The following LMO7 variants were observed in gnomAD, a reference collection of about 807,000 sequenced individuals.
LMO7 encodes the protein LIM domain only protein 7.
A neutral mutation model predicts 206.5 loss-of-function variants in LMO7; 120 were observed. The observed-to-expected ratio is 0.58, with a 90% CI of 0.50 to 0.68. The LOEUF (loss-of-function observed/expected upper bound fraction) is 0.68. Among genes scored for constraint, LMO7 ranks in the 30% least tolerant of loss-of-function variants. LMO7 has a pLI of 0.00. For synonymous variants in LMO7, 706 were observed against 681.5 expected, an observed-to-expected ratio of 1.04 and a Z score of -0.56; for missense variants, 1,959 against 1,957.9, an observed-to-expected ratio of 1.00 and a Z score of -0.01.
chr13:75,786,465 C>A (rs1311061840), intron 4 of LMO7, among the ~76,000 whole-genome samples: 2 of 151,760 alleles, frequency 1.3e-5, no homozygotes, highest in Non-Finnish European at 2.9e-5. Context: ...AGCTCCACCT[C>A]CCAAGTTCAC....
At chr13:75,700,342 T>A (rs2042203718) in intron 1 of LMO7, among the ~76,000 whole-genome samples, 1 of 152,184 alleles carries the variant, frequency 6.6e-6, no homozygotes, top group African/African-American at 2.4e-5. Flanking sequence ...TCTTCACAAT[T>A]TATGTTCAGA....
intron 3 of LMO7, among the ~76,000 whole-genome samples, chr13:75,751,020 G>A (rs1049342338): frequency 6.6e-6 from 1 of 152,070 alleles, no homozygotes; most frequent in African/African-American, 2.4e-5. Flanking sequence ...TTTTGGCACT[G>A]TCAATTGCAG....
Position 75,821,382 on chromosome 13 carries a change from G to A in LMO7, c.2413G>A (p.Val805Ile). 6.2e-7 allele frequency: 1 copy of A among 1,614,174 alleles called. No individual in the cohort carries two copies. The highest frequency in any genetic ancestry group is 8.5e-7 in the Non-Finnish European group (1 of 1,180,000). ...STTFAKREDR[V>I]TTEIQLPSQS... The stretch of plus-strand genomic sequence containing the variant: ...CACTTTTGCAAAAAGAGAGGACCGT[G>A]TAACAACTGAAATTCAGCTTCCTTC... Residue 805 changes from valine to isoleucine, a missense_variant, in exon 14 of 31, where the codon GTA becomes ATA. Coordinates refer to ENST00000377534, the MANE Select transcript of LMO7 (RefSeq NM_001306080.2).
At position 75,732,310 on chromosome 13, in the gene LMO7, C is replaced by T. The variant is rs138218677; in HGVS notation, c.210+5212C>T. ...TTCACATAGTCCCATATTTCTTGGA[C>T]GCTTTGTTTGTTTCTTTTTATTCTT... On this transcript the variant is annotated intron_variant, in intron 3 of 30. Coordinates refer to ENST00000377534, the MANE Select transcript of LMO7 (RefSeq NM_001306080.2). Among the ~76,000 whole-genome samples the T allele has an allele frequency of 2.8e-4, 43 of 152,202 alleles. 1 individual carries two copies. Among genetic ancestry groups the T allele is most frequent in the Middle Eastern group, 3.4e-3 (1 of 294 alleles).
chr13:75,679,841 A>C (rs2040323895), intron 1 of LMO7, among the ~76,000 whole-genome samples: 1 of 152,180 alleles, frequency 6.6e-6, no homozygotes. Context: ...TTGGCCTCTC[A>C]AAGTGCTGGG....
intron 3 of LMO7, among the ~76,000 whole-genome samples, chr13:75,754,366 C>T (rs2047506567): frequency 6.6e-6 from 1 of 152,152 alleles, no homozygotes; most frequent in African/African-American, 2.4e-5. Context: ...AGTGCTATTC[C>T]ATTGTATGGA....
rs74602044 is a variant in LMO7, at chr13:75,724,922, C to T, written c.141-2107C>T. Among the ~76,000 whole-genome samples the T allele has an allele frequency of 3.9e-3, 599 of 152,134 alleles. 6 individuals carry two copies. The highest frequency in any genetic ancestry group is 0.014 in the African/African-American group (574 of 41,538). The stretch of plus-strand genomic sequence containing the variant: ...TATTGTTTTTTCCTCAGCTCATTTC[C>T]GTGTTTGCACATGTACTTGAAGGTT... On this transcript the variant is annotated intron_variant, in intron 2 of 30. Transcript: ENST00000377534.
chr13:75,755,442 ATTT>A (rs2139552975), intron 3 of LMO7, among the ~76,000 whole-genome samples: 1 of 151,814 alleles, frequency 6.6e-6, no homozygotes, highest in East Asian at 1.9e-4. Context: ...GATGCCAGGT[ATTT>A]TTCTCTCTTG....
At chr13:75,738,020 G>T (rs1050243120) in intron 3 of LMO7, among the ~76,000 whole-genome samples, 2 of 151,872 alleles carry the variant, frequency 1.3e-5, no homozygotes, top group Non-Finnish European at 2.9e-5. Flanking sequence ...GCCAGCCTGT[G>T]GATGAGTTCC....
At chr13:75,742,818 A>C (rs543676564) in intron 3 of LMO7, among the ~76,000 whole-genome samples, 1 of 152,272 alleles carries the variant, frequency 6.6e-6, no homozygotes, top group African/African-American at 2.4e-5. Flanking sequence ...CATGGGCAAA[A>C]ACTTCATGAC....
intron 4 of LMO7, among the ~76,000 whole-genome samples, chr13:75,782,687 A>G (rs902711952): frequency 4.6e-5 from 7 of 152,206 alleles, no homozygotes; most frequent in Non-Finnish European, 8.8e-5. Context: ...TTGCAGCTCC[A>G]GGGGAGAATC....
chr13:75,732,261 C>T (rs1239100447), intron 3 of LMO7, among the ~76,000 whole-genome samples: 2 of 152,190 alleles, frequency 1.3e-5, no homozygotes, highest in African/African-American at 4.8e-5. Context: ...TTCAGGTACA[C>T]CAGTCAGACA....
intron 3 of LMO7, among the ~76,000 whole-genome samples, chr13:75,737,795 A>AAAAAC (rs2046030914): frequency 3.1e-5 from 4 of 127,102 alleles, no homozygotes; most frequent in Non-Finnish European, 6.8e-5. Context: ...AAAAAAAAAA[A>AAAAAC]AAAAAACTTT....
At chr13:75,854,989 G>T in intron 28 of LMO7, 1 of 338,008 alleles carries the variant, frequency 3.0e-6, no homozygotes. Context: ...AAGGAAGATA[G>T]TATCAGAAAC....
chr13:75,811,277 C>T (rs1408088942), intron 11 of LMO7, among the ~76,000 whole-genome samples: 5 of 149,886 alleles, frequency 3.3e-5, no homozygotes, highest in East Asian at 2.0e-4. Context: ...GCTCCTGGGC[C>T]GAAGCATTCC....
chr13:75,791,484 TA>T (rs1374737339), intron 4 of LMO7, among the ~76,000 whole-genome samples: 6 of 152,206 alleles, frequency 3.9e-5, no homozygotes, highest in African/African-American at 1.4e-4. Flanking sequence ...TAAATAAATG[TA>T]TTTAACCAGA....
chr13:75,732,594 TTTGA>T (rs2045359769), intron 3 of LMO7, among the ~76,000 whole-genome samples: 1 of 152,212 alleles, frequency 6.6e-6, no homozygotes, highest in Non-Finnish European at 1.5e-5. Flanking sequence ...CTCGGAGTAG[TTTGA>T]TTGTCTGAAG....
intron 1 of LMO7, among the ~76,000 whole-genome samples, chr13:75,673,576 G>A (rs1267674009): frequency 6.6e-6 from 1 of 152,118 alleles, no homozygotes; most frequent in Non-Finnish European, 1.5e-5. Flanking sequence ...GATGGACCTG[G>A]GACCCTGAGG....
intron 2 of LMO7, among the ~76,000 whole-genome samples, chr13:75,721,695 C>T (rs1291523271): frequency 6.6e-6 from 1 of 152,150 alleles, no homozygotes; most frequent in Non-Finnish European, 1.5e-5. Flanking sequence ...ATATACACCA[C>T]ATTTTCTTTA....
Sources: gnomAD v4.1 joint callset for allele counts (sites outside exome capture counted in the v4.1 genomes callset) on GRCh38, gnomAD v4.1.1 for gene constraint, MANE v1.5 for transcripts, NCBI Gene and HGNC (gene_info 2026-07-23, HGNC 2026-07-21) for gene names.